Variants in AKIRIN1 observed in about 807,000 individuals in gnomAD.
The protein encoded by AKIRIN1 is akirin 1, also known as akirin-1.
AKIRIN1 carries 4 observed loss-of-function variants against 25.9 expected under a neutral mutation model. That is an observed-to-expected ratio of 0.15 (90% CI 0.08 to 0.35). The LOEUF is 0.35. AKIRIN1 is among the 10% of genes least tolerant of loss of function. The pLI is 1.00. For synonymous variants in AKIRIN1, 125 were observed against 105.1 expected (o/e 1.19, Z -1.16); for missense variants, 243 against 266.1 (o/e 0.91, Z 0.61).
chr1:38,992,106 C>G (rs1041813510), intron 1 of AKIRIN1, among the ~76,000 whole-genome samples: 12 of 152,174 alleles, frequency 7.9e-5, no homozygotes, highest in Non-Finnish European at 1.8e-4. Flanking sequence ...GAGGCCGCCG[C>G]AAGAGTCACG....
intron 2 of AKIRIN1, among the ~76,000 whole-genome samples, chr1:38,999,050 G>A (rs1429919705): frequency 2.0e-5 from 3 of 152,132 alleles, no homozygotes; most frequent in Non-Finnish European, 2.9e-5. Flanking sequence ...CAAAGAGGAT[G>A]TGCTAAAAAA....
chr1:38,998,967 A>G (rs1643968592), intron 2 of AKIRIN1, among the ~76,000 whole-genome samples: 1 of 152,220 alleles, frequency 6.6e-6, no homozygotes, highest in Non-Finnish European at 1.5e-5. Flanking sequence ...TGTATTGTAC[A>G]TGCAGTTACG....
chr1:38,994,185 T>TA (rs1367745311), intron 1 of AKIRIN1, among the ~76,000 whole-genome samples: 1 of 152,244 alleles, frequency 6.6e-6, no homozygotes, highest in East Asian at 1.9e-4. Context: ...AGGAAATACT[T>TA]ATTCACTGGA....
At position 39,001,040 on chromosome 1, in the gene AKIRIN1, C is replaced by T; in HGVS notation, c.430C>T (p.Leu144Phe). 1.9e-6 allele frequency: 3 copies of T among 1,613,936 alleles called. No individual in the cohort carries two copies. The highest frequency in any genetic ancestry group is 2.5e-6 in the Non-Finnish European group (3 of 1,179,934). The change falls in exon 3 of 5, where the codon CTC becomes TTC. Residue 144 changes from leucine (L) to phenylalanine (F), a missense_variant. This residue lies in a region of AKIRIN1 where 190 missense variants were observed against 174.4 expected (regional missense o/e 1.09). Coordinates refer to ENST00000432648, the MANE Select transcript of AKIRIN1 (RefSeq NM_024595.3). ...LRQVGIICER[L>F]LKDYEDKIRE... ...ACAAGTTGGCATAATATGTGAGCGC[C>T]TCTTAAAAGACTATGAAGATAAAAT...
At chr1:38,997,230 C>G (rs1643954691) in intron 1 of AKIRIN1, among the ~76,000 whole-genome samples, 1 of 152,016 alleles carries the variant, frequency 6.6e-6, no homozygotes, top group African/African-American at 2.4e-5. Flanking sequence ...AAACCACATC[C>G]TTTTAGATTC....
Position 38,995,770 on chromosome 1 carries a change from C to T in AKIRIN1, c.221-2401C>T, listed in dbSNP as rs571144388. Among the ~76,000 whole-genome samples, 9 of 152,336 alleles carry T rather than the reference C, an allele frequency of 5.9e-5. No homozygotes were observed. The South Asian group carries it at 1.5e-3, about 25-fold the overall frequency. The stretch of plus-strand genomic sequence containing the variant: ...AATACAGGGGGCTAGCGGTGGCTCA[C>T]GCCTGTATTCCCAGCACTTTGGGAG... On this transcript the variant is annotated intron_variant, in intron 1 of 4. Coordinates refer to ENST00000432648, the MANE Select transcript of AKIRIN1 (RefSeq NM_024595.3).
At chr1:38,995,347 A>T (rs897047958) in intron 1 of AKIRIN1, among the ~76,000 whole-genome samples, 1 of 152,216 alleles carries the variant, frequency 6.6e-6, no homozygotes, top group Non-Finnish European at 1.5e-5. Flanking sequence ...CAGTAGGAAC[A>T]CTGTAGAGTT....
rs1643963228 is a variant in AKIRIN1, at chr1:38,998,360, T to A, written c.361+49T>A. 13 of 1,540,838 alleles carry A rather than the reference T, an allele frequency of 8.4e-6. No homozygotes were observed. In the Middle Eastern group the frequency reaches 5.2e-4, roughly 61 times the overall value. On this transcript the variant is annotated intron_variant, in intron 2 of 4. Coordinates refer to ENST00000432648, the MANE Select transcript of AKIRIN1 (RefSeq NM_024595.3). ...ATTCGCATTAAGAGTTTGTAAATGG[T>A]ACTTATAATGATGAATCTAGAATTG...
intron 1 of AKIRIN1, among the ~76,000 whole-genome samples, chr1:38,996,720 G>T (rs1643951022): frequency 6.6e-6 from 1 of 151,416 alleles, no homozygotes; most frequent in African/African-American, 2.4e-5. Flanking sequence ...TAGTAGAGAC[G>T]GTGTTTCACC....
intron 1 of AKIRIN1, among the ~76,000 whole-genome samples, chr1:38,995,761 G>A (rs910995926): frequency 2.0e-5 from 3 of 152,218 alleles, no homozygotes; most frequent in African/African-American, 4.8e-5. Flanking sequence ...GGGGGCTAGC[G>A]GTGGCTCACG....
At chr1:38,999,097 G>A (rs548268511) in intron 2 of AKIRIN1, among the ~76,000 whole-genome samples, 1 of 152,308 alleles carries the variant, frequency 6.6e-6, no homozygotes, top group African/African-American at 2.4e-5. Flanking sequence ...TCATGGTCAT[G>A]TAGTGACTCA....
rs755304220 is a variant in AKIRIN1 at position 39,004,196 on chromosome 1, C to T, written c.*141C>T. The T allele has an allele frequency of 1.1e-6, 1 of 945,676 alleles. No homozygotes were observed. The highest frequency in any genetic ancestry group is 1.7e-6 in the Non-Finnish European group (1 of 579,378). The allele number at this position is 945,676 out of a possible 1,614,324, so 58.6% of individuals were successfully genotyped here. On this transcript the variant is annotated 3_prime_UTR_variant, in exon 5 of 5. Coordinates refer to ENST00000432648, the MANE Select transcript of AKIRIN1 (RefSeq NM_024595.3). ...AACGTTTCTGCAGGTCCATTTTATA[C>T]AACTTGAAAGACCGTAAAACTTTCT... is the stretch of plus-strand genomic sequence containing the variant.
chr1:38,993,900 G>T (rs562388141), intron 1 of AKIRIN1, among the ~76,000 whole-genome samples: 1 of 151,828 alleles, frequency 6.6e-6, no homozygotes, highest in Non-Finnish European at 1.5e-5. Context: ...GAGAAATCCT[G>T]TCTCTACTAA....
intron 2 of AKIRIN1, among the ~76,000 whole-genome samples, chr1:39,000,369 G>A (rs1186895995): frequency 7.1e-5 from 8 of 113,262 alleles, no homozygotes; most frequent in Non-Finnish European, 1.5e-4. Flanking sequence ...TTTTGAGTCC[G>A]TTTTGCTCTT....
chr1:38,995,003 A>AT (rs917628933), intron 1 of AKIRIN1, among the ~76,000 whole-genome samples: 23 of 150,892 alleles, frequency 1.5e-4, no homozygotes, highest in African/African-American at 2.2e-4. Context: ...TAATTTTTGT[A>AT]TTTTTTTTGT....
intron 3 of AKIRIN1, among the ~76,000 whole-genome samples, chr1:39,001,664 A>G (rs895374173): frequency 6.6e-6 from 1 of 152,168 alleles, no homozygotes; most frequent in Admixed American, 6.5e-5. Context: ...TCAGCTTCCC[A>G]GAGTGCTGGC....
intron 3 of AKIRIN1, 28 bp downstream of exon 3, chr1:39,001,134 C>T: frequency 2.5e-6 from 4 of 1,583,448 alleles, no homozygotes; most frequent in South Asian, 2.3e-5. Flanking sequence ...CTGCCATTGT[C>T]ATTAACAGGG....
At chr1:38,991,670 G>GT in intron 1 of AKIRIN1, 70 bp downstream of exon 1, 12 of 886,742 alleles carry the variant, frequency 1.4e-5, no homozygotes, top group South Asian at 3.1e-5. Flanking sequence ...TGGTGGGGGA[G>GT]GGTTGGGAAT....
intron 3 of AKIRIN1, among the ~76,000 whole-genome samples, chr1:39,001,938 G>A (rs999171051): frequency 6.6e-6 from 1 of 152,134 alleles, no homozygotes; most frequent in African/African-American, 2.4e-5. Flanking sequence ...TGATTTGGGA[G>A]GAACAGTAGA....
Sources: gnomAD v4.1 joint callset for allele counts (sites outside exome capture counted in the v4.1 genomes callset) on GRCh38, gnomAD v4.1.1 for gene constraint, gnomAD v4.1.1 regional missense constraint, MANE v1.5 for transcripts, NCBI Gene and HGNC (gene_info 2026-07-23, HGNC 2026-07-21) for gene names.